Variants in NUAK2 observed in about 807,000 individuals in gnomAD.
NUAK2 encodes the protein NUAK family SNF1-like kinase 2.
Under a neutral mutation model 29.8 loss-of-function variants are expected in NUAK2, and 20 were observed. The ratio of observed to expected loss-of-function variants is 0.67; its 90% CI spans 0.47 to 0.98. The LOEUF is 0.98. Ranked by LOEUF, NUAK2 falls within the 50% of genes least tolerant of loss-of-function variation. The probability of loss-of-function intolerance (pLI) is 0.00; values close to 1 mark genes in which losing one functional copy is unlikely to be tolerated. For missense variants in NUAK2, 719 were observed against 834.5 expected (o/e 0.86, Z 1.71); for synonymous variants, 331 against 342.6 (o/e 0.97, Z 0.37).
intron 5 of NUAK2, chr1:205,305,652 C>T (rs1662170258): frequency 3.3e-6 from 1 of 307,000 alleles, no homozygotes; most frequent in East Asian, 1.7e-4. Flanking sequence ...GTGAGGGAGG[C>T]AAAGAACTAA....
rs1322860239 is a variant in NUAK2 at position 205,321,546 on chromosome 1, A to T, written c.83T>A (p.Ile28Asn). 6.2e-7 allele frequency: 1 copy of T among 1,613,784 alleles called. No individual in the cohort carries two copies. The highest frequency in any genetic ancestry group is 1.7e-5 in the Admixed American group (1 of 60,016). Residue 28 changes from isoleucine (I) to asparagine (N), a missense_variant, in exon 1 of 7, where the codon ATC (isoleucine) becomes AAC (asparagine). Transcript: ENST00000367157. Reference sequence around the variant, plus strand: ...CTTCATTAGGGGCTTGGGCGACTTGATCAGCCCTTCCGCCAGCGGCCGGGC... The same window carrying T: ...CTTCATTAGGGGCTTGGGCGACTTGTTCAGCCCTTCCGCCAGCGGCCGGGC... The part of the protein sequence containing the change: ...ELARPLAEGL[I>N]KSPKPLMKKQ...
Position 205,321,533 on chromosome 1 carries a change from C to T in NUAK2, c.96G>A (p.Lys32=). 6.2e-7 allele frequency: 1 copy of T among 1,613,918 alleles called. No homozygotes were observed. Reference sequence around the variant, plus strand: ...TCACCGCCTGCTTCTTCATTAGGGGCTTGGGCGACTTGATCAGCCCTTCCG... The same window carrying T: ...TCACCGCCTGCTTCTTCATTAGGGGTTTGGGCGACTTGATCAGCCCTTCCG... ...PLAEGLIKSP[K]PLMKKQAVKR... The change falls in exon 1 of 7, where the codon AAG becomes AAA. Residue 32 remains lysine, a synonymous_variant. Transcript: ENST00000367157.
rs1013217275 is a variant in NUAK2 at position 205,321,446 on chromosome 1, T to C, written c.183A>G (p.Lys61=). Residue 61 remains lysine (K), a synonymous_variant, in exon 1 of 7, where the codon AAA becomes AAG. Transcript: ENST00000367157. ...CCTTCTTCACCTTCCCGTAGGTGCCTTTGCCCAGGGTCTCCAGGAACTCGT... is the reference window on the plus strand; with the variant it reads ...CCTTCTTCACCTTCCCGTAGGTGCCCTTGCCCAGGGTCTCCAGGAACTCGT... ...HRYEFLETLG[K]GTYGKVKKAR... 1.1e-5 allele frequency: 17 copies of C among 1,613,958 alleles called. No homozygotes were observed. The highest frequency in any genetic ancestry group is 1.4e-5 in the Non-Finnish European group (16 of 1,179,884).
In NUAK2 at chr1:205,304,930, A is replaced by G. The variant is rs1662158182; in HGVS notation, c.823+269T>C. 6.6e-6 allele frequency among the ~76,000 whole-genome samples: 1 copy of G among 152,240 alleles called. No individual in the cohort carries two copies. Among genetic ancestry groups the G allele is most frequent in the Non-Finnish European group, 1.5e-5 (1 of 68,040 alleles). On this transcript the variant is annotated intron_variant, in intron 6 of 6. Coordinates refer to ENST00000367157, the MANE Select transcript of NUAK2 (RefSeq NM_030952.3). This position sits in a 1 kb window ranked among gnomAD's most constrained non-coding sequence, Gnocchi z 6.5. The stretch of plus-strand genomic sequence containing the variant: ...AAGATGAGAACAAAAGCAATAGGAA[A>G]TGAGACAACTGTAGCAAAGAAGATC...
chr1:205,306,063 T>C, intron 5 of NUAK2, 125 bp downstream of exon 5: 1 of 1,347,440 alleles, frequency 7.4e-7, no homozygotes, highest in African/African-American at 1.5e-5. Flanking sequence ...GTTACTACTT[T>C]TTGGGAGGCT....
intron 1 of NUAK2, among the ~76,000 whole-genome samples, chr1:205,312,620 G>T (rs980227468): frequency 6.6e-6 from 1 of 152,182 alleles, no homozygotes; most frequent in Non-Finnish European, 1.5e-5. Flanking sequence ...TGAGCAACAT[G>T]GTGAAACCCT....
At chr1:205,314,559 T>C (rs1187915960) in intron 1 of NUAK2, among the ~76,000 whole-genome samples, 1 of 152,194 alleles carries the variant, frequency 6.6e-6, no homozygotes, top group Non-Finnish European at 1.5e-5. Context: ...TGGAGTATCA[T>C]TCCCACACAC....
At chr1:205,319,170 GC>G (rs1447317102) in intron 1 of NUAK2, among the ~76,000 whole-genome samples, 1 of 152,158 alleles carries the variant, frequency 6.6e-6, no homozygotes, top group Non-Finnish European at 1.5e-5. Context: ...GCAGGCAGCT[GC>G]TCTCCAAGAA....
intron 4 of NUAK2, among the ~76,000 whole-genome samples, chr1:205,307,487 G>C (rs530039745): frequency 1.3e-5 from 2 of 152,294 alleles, no homozygotes; most frequent in Non-Finnish European, 2.9e-5. Context: ...AAAGCCACTG[G>C]AAGAGACTAT....
rs770212647 is a variant in NUAK2, at chr1:205,321,436, C to T, written c.193G>A (p.Gly65Arg). 1.2e-5 allele frequency: 19 copies of T among 1,613,956 alleles called. No individual in the cohort carries two copies. The highest frequency in any genetic ancestry group is 1.6e-5 in the Non-Finnish European group (19 of 1,179,872). ...CTCTCCCGCGCCTTCTTCACCTTCC[C>T]GTAGGTGCCTTTGCCCAGGGTCTCC... Reference protein sequence around the residue: ...FLETLGKGTYGKVKKARESSG... With the variant: ...FLETLGKGTYRKVKKARESSG... The change falls in exon 1 of 7, where the codon GGG becomes AGG. Residue 65 changes from glycine (G) to arginine (R), a missense_variant. By Grantham distance (125) the Gly-to-Arg change is moderately radical. This residue lies in a region of NUAK2 where 283 missense variants were observed against 345.6 expected (regional missense o/e 0.82). Coordinates refer to ENST00000367157, the MANE Select transcript of NUAK2 (RefSeq NM_030952.3).
chr1:205,312,024 C>A (rs1662264838), intron 1 of NUAK2, among the ~76,000 whole-genome samples, 199 bp from the exon 2 acceptor site: 1 of 152,224 alleles, frequency 6.6e-6, no homozygotes, highest in African/African-American at 2.4e-5. Flanking sequence ...GAGCTGAGTG[C>A]ACATGGTCCA....
At chr1:205,309,481 C>T (rs1038283284) in intron 2 of NUAK2, among the ~76,000 whole-genome samples, 1 of 152,152 alleles carries the variant, frequency 6.6e-6, no homozygotes, top group Admixed American at 6.5e-5. Context: ...TGCGCGCCAC[C>T]ATGCCAGGCT....
At chr1:205,305,454 G>A (rs1476011800) in intron 5 of NUAK2, 123 bp from the exon 6 acceptor site, 17 of 1,443,850 alleles carry the variant, frequency 1.2e-5, no homozygotes, top group East Asian at 5.0e-5. Context: ...GGGCCAAGAC[G>A]GGGATGCTGC....
rs1662082990 is a variant in NUAK2, at chr1:205,302,169, T to C, written c.*1281A>G. ...AGAGTGTGGAGTGGAGTGTGGGGGG[T>C]TGTGGGAGGAGGTGGAAATAGTTGC... On this transcript the variant is annotated 3_prime_UTR_variant, in exon 7 of 7. Coordinates refer to ENST00000367157, the MANE Select transcript of NUAK2 (RefSeq NM_030952.3). 6.6e-6 allele frequency: 1 copy of C among 151,068 alleles called. No individual in the cohort carries two copies. The highest frequency in any genetic ancestry group is 1.5e-5 in the Non-Finnish European group (1 of 67,566). The allele number at this position is 151,068 out of a possible 1,614,324, so 9.4% of individuals were successfully genotyped here.
At chr1:205,306,109 A>T in intron 5 of NUAK2, 79 bp downstream of exon 5, 1 of 1,490,140 alleles carries the variant, frequency 6.7e-7, no homozygotes. Context: ...ATAACGAGAA[A>T]ACTAGCCCAT....
intron 1 of NUAK2, among the ~76,000 whole-genome samples, chr1:205,321,137 A>G (rs527444439): frequency 1.6e-4 from 25 of 152,336 alleles, no homozygotes; most frequent in African/African-American, 6.0e-4. Context: ...CCAACTATCC[A>G]TAGCCTCCCT....
At position 205,304,380 on chromosome 1, in the gene NUAK2, C is replaced by T; in HGVS notation, c.957G>A (p.Glu319=). The change falls in exon 7 of 7, where the codon GAG becomes GAA. Residue 319 remains glutamate, a synonymous_variant. Transcript: ENST00000367157. This position sits in a 1 kb window ranked among gnomAD's most constrained non-coding sequence, Gnocchi z 6.5. ...CAGAGTCACTGCCAGGGTGCCCACC[C>T]TCATGCGGAGCCTCCTGCTCTCCCA... ...TRVGEQEAPH[E]GGHPGSDSAR... The T allele has an allele frequency of 6.2e-7, 1 of 1,609,090 alleles. No homozygotes were observed. Among genetic ancestry groups the T allele is most frequent in the Non-Finnish European group, 8.5e-7 (1 of 1,177,108 alleles).
intron 4 of NUAK2, among the ~76,000 whole-genome samples, chr1:205,307,496 A>G (rs1318004202): frequency 9.9e-5 from 15 of 152,166 alleles, no homozygotes; most frequent in Non-Finnish European, 2.9e-5. Flanking sequence ...GGAAGAGACT[A>G]TGTCCTGGGT....
At chr1:205,317,639 C>A (rs572748934) in intron 1 of NUAK2, among the ~76,000 whole-genome samples, 17 of 152,332 alleles carry the variant, frequency 1.1e-4, no homozygotes, top group Admixed American at 8.5e-4. Flanking sequence ...CCCTGCCCAG[C>A]CTTCTTGTGT....
Sources: gnomAD v4.1 joint callset for allele counts (sites outside exome capture counted in the v4.1 genomes callset) on GRCh38, gnomAD v4.1.1 for gene constraint, gnomAD v4.1.1 regional missense constraint, Gnocchi (gnomAD v3.1) non-coding constraint, MANE v1.5 for transcripts, NCBI Gene and HGNC (gene_info 2026-07-23, HGNC 2026-07-21) for gene names.